Variants in ZNF543 observed in about 807,000 individuals in gnomAD.
ZNF543 encodes the protein zinc finger protein 543.
Under a neutral mutation model 13.4 loss-of-function variants are expected in ZNF543, and 10 were observed. The ratio of observed to expected loss-of-function variants is 0.75; its 90% CI spans 0.46 to 1.26. ZNF543 has a LOEUF of 1.26. Among genes scored for constraint, ZNF543 ranks in the 50% most tolerant of loss-of-function variants. The probability of loss-of-function intolerance (pLI) is 0.00; values close to 1 mark genes in which losing one functional copy is unlikely to be tolerated. For missense variants in ZNF543, 768 were observed against 741.2 expected, an observed-to-expected ratio of 1.04 and a Z score of -0.42; for synonymous variants, 272 against 264.7, an observed-to-expected ratio of 1.03 and a Z score of -0.27.
chr19:57,323,513 A>G (rs1257325126), intron 1 of ZNF543, 169 bp from the exon 2 acceptor site: 33 of 880,486 alleles, frequency 3.7e-5, no homozygotes, highest in Admixed American at 2.4e-4. Context: ...AATTTATCCA[A>G]GGCAATGTCC....
rs954432718 is a variant in ZNF543, at chr19:57,329,428, GA to G, written c.*164del. On this transcript the variant is annotated 3_prime_UTR_variant, in exon 4 of 4. Coordinates refer to ENST00000321545, the MANE Select transcript of ZNF543 (RefSeq NM_213598.4). ...TCTCCACCTGAGAATTCACCCATGA[GA>G]GAGACCCAGTGGTTGCTATGCACTT... 9 of 915,644 alleles carry G rather than the reference GA, an allele frequency of 9.8e-6. No homozygotes were observed. The African/African-American group carries it at 1.3e-4, about 14-fold the overall frequency. 56.7% of individuals were successfully genotyped at this position (915,644 alleles called of 1,614,324 possible).
chr19:57,326,863 G>GCCCTCCCC (rs752772288), intron 3 of ZNF543, 135 bp downstream of exon 3: 1 of 568,890 alleles, frequency 1.8e-6, no homozygotes, highest in African/African-American at 2.5e-5. Flanking sequence ...GCCTCTCCCC[G>GCCCTCCCC]CCCGCCCCCC....
chr19:57,327,736 AC>A lies in ZNF543; in HGVS notation c.276del (p.Ser94LeufsTer15). 6.2e-7 allele frequency: 1 copy of A among 1,612,170 alleles called. No homozygotes were observed. The highest frequency in any genetic ancestry group is 8.5e-7 in the Non-Finnish European group (1 of 1,179,448). ...DNTKPKTTEPTFSHLALPEEV... is the reference protein window; with the variant it reads ...DNTKPKTTEPXFSHLALPEEV... ...CACAAAACCCAAGACCACAGAGCCT[AC>A]CTTTTCTCACCTGGCCTTGCCTGAG... On this transcript the variant is annotated frameshift_variant, in exon 4 of 4. Coordinates refer to ENST00000321545, the MANE Select transcript of ZNF543 (RefSeq NM_213598.4). LOFTEE classifies it low-confidence loss of function (END_TRUNC).
At chr19:57,323,878 A>C in intron 2 of ZNF543, 70 bp downstream of exon 2, 1 of 1,565,780 alleles carries the variant, frequency 6.4e-7, no homozygotes, top group Admixed American at 1.7e-5. Context: ...TCTCTCCTCC[A>C]CAGCCCACTT....
chr19:57,322,420 A>G (rs1436746066), intron 1 of ZNF543, among the ~76,000 whole-genome samples: 1 of 150,598 alleles, frequency 6.6e-6, no homozygotes, highest in Non-Finnish European at 1.5e-5. Context: ...CCAGCTTGGG[A>G]GGCTAAGGCA....
Position 57,329,358 on chromosome 19 carries a change from C to T in ZNF543, c.*93C>T, listed in dbSNP as rs974571902. The T allele has an allele frequency of 1.3e-5, 19 of 1,478,102 alleles. No homozygotes were observed. The highest frequency in any genetic ancestry group is 1.4e-5 in the African/African-American group (1 of 71,264). 91.6% of individuals were successfully genotyped at this position (1,478,102 alleles called of 1,614,324 possible). A position where few individuals can be genotyped will look rare whatever the true frequency, so the allele number is the denominator to read the frequency against. ...AAACGTGTAATAGATGATCATTTGT[C>T]GTCTAAACAATCAAGTTAGAAATTG... On this transcript the variant is annotated 3_prime_UTR_variant, in exon 4 of 4. Coordinates refer to ENST00000321545, the MANE Select transcript of ZNF543 (RefSeq NM_213598.4).
rs1264732156 is a variant in ZNF543, at chr19:57,327,926, A to G, written c.464A>G (p.Asp155Gly). The G allele has an allele frequency of 9.3e-6, 15 of 1,614,156 alleles. No individual in the cohort carries two copies. Among genetic ancestry groups the G allele is most frequent in the Admixed American group, 1.7e-5 (1 of 60,028 alleles). The change falls in exon 4 of 4, where the codon GAT becomes GGT. Residue 155 changes from aspartate to glycine, a missense_variant. Coordinates refer to ENST00000321545, the MANE Select transcript of ZNF543 (RefSeq NM_213598.4). ...KLLEKMSSER[D>G]GLGSDDGVCT... ...CTGGAGAAAATGAGTTCTGAACGTGATGGTTTGGGGTCAGATGATGGTGTA... is the reference window on the plus strand; with the variant it reads ...CTGGAGAAAATGAGTTCTGAACGTGGTGGTTTGGGGTCAGATGATGGTGTA...
Position 57,327,858 on chromosome 19 carries a change from A to G in ZNF543, c.396A>G (p.Glu132=). Residue 132 remains glutamate, a synonymous_variant, in exon 4 of 4, where the codon GAA becomes GAG. Coordinates refer to ENST00000321545, the MANE Select transcript of ZNF543 (RefSeq NM_213598.4). ...AGGATGGGCCATCTGAAATGCAAGA[A>G]GTCCACTTGAAAATAGGGATAGGCC... ...KDQDGPSEMQ[E]VHLKIGIGPQ... The G allele has an allele frequency of 6.2e-7, 1 of 1,614,166 alleles. No homozygotes were observed. The highest frequency in any genetic ancestry group is 8.5e-7 in the Non-Finnish European group (1 of 1,180,038).
In ZNF543 at chr19:57,320,885, G is replaced by A; in HGVS notation, c.18+14G>A. 1.9e-6 allele frequency: 3 copies of A among 1,614,058 alleles called. No individual in the cohort carries two copies. Among genetic ancestry groups the A allele is most frequent in the Non-Finnish European group, 2.5e-6 (3 of 1,179,994 alleles). ...GCCTCGGCGCAGGTGAGTGGACGAG[G>A]TTTTGGCCTTGCTGCTGCTCTGCTA... On this transcript the variant is annotated intron_variant, in intron 1 of 3. Transcript: ENST00000321545.
chr19:57,327,940 G>C lies in ZNF543; in HGVS notation c.478G>C (p.Asp160His). The C allele has an allele frequency of 3.7e-6, 6 of 1,614,180 alleles. No individual in the cohort carries two copies. The highest frequency in any genetic ancestry group is 5.1e-6 in the Non-Finnish European group (6 of 1,180,052). ...TTCTGAACGTGATGGTTTGGGGTCAGATGATGGTGTATGTACAAAGATTAC... is the reference window on the plus strand; with the variant it reads ...TTCTGAACGTGATGGTTTGGGGTCACATGATGGTGTATGTACAAAGATTAC... ...MSSERDGLGS[D>H]DGVCTKITQK... is the part of the protein sequence containing the mutation. Residue 160 changes from aspartate (D) to histidine (H), a missense_variant, in exon 4 of 4, where the codon GAT becomes CAT. By Grantham distance (81) the Asp-to-His change is moderately conservative (BLOSUM62 -1). This residue lies in a region of ZNF543 where 677 missense variants were observed against 631.4 expected (regional missense o/e 1.07). Coordinates refer to ENST00000321545, the MANE Select transcript of ZNF543 (RefSeq NM_213598.4).
In ZNF543 at chr19:57,329,458, A is replaced by C. The variant is rs530296697; in HGVS notation, c.*193A>C. ...ACCCAGTGGTTGCTATGCACTTAGG[A>C]AAACTTTCAGCCACATCTTTCTTCT... On this transcript the variant is annotated 3_prime_UTR_variant, in exon 4 of 4. Coordinates refer to ENST00000321545, the MANE Select transcript of ZNF543 (RefSeq NM_213598.4). The C allele has an allele frequency of 1.9e-3, 1,176 of 615,456 alleles. 13 individuals are homozygous for C. The highest frequency in any genetic ancestry group is 0.019 in the African/African-American group (1,018 of 53,856). 38.1% of individuals were successfully genotyped at this position (615,456 alleles called of 1,614,324 possible).
At position 57,326,626 on chromosome 19, in the gene ZNF543, T is replaced by A; in HGVS notation, c.146-7T>A. ...TCCCTGTGTCCTCTTTTGTTCTCCA[T>A]GCACAGGCTGTCCTTTGTTCAAACC... On this transcript the variant is annotated splice_polypyrimidine_tract_variant and splice_region_variant and intron_variant, in intron 2 of 3. Transcript: ENST00000321545. The A allele has an allele frequency of 6.2e-7, 1 of 1,612,230 alleles. No homozygotes were observed. Among genetic ancestry groups the A allele is most frequent in the Non-Finnish European group, 8.5e-7 (1 of 1,178,266 alleles).
rs760493193 is a variant in ZNF543 at position 57,327,732 on chromosome 19, G to A, written c.270G>A (p.Glu90=). The stretch of plus-strand genomic sequence containing the variant: ...ACAACACAAAACCCAAGACCACAGA[G>A]CCTACCTTTTCTCACCTGGCCTTGC... The part of the protein sequence containing the change: ...PGDNTKPKTT[E]PTFSHLALPE... The change falls in exon 4 of 4, where the codon GAG becomes GAA. Residue 90 remains glutamate (E), a synonymous_variant. Coordinates refer to ENST00000321545, the MANE Select transcript of ZNF543 (RefSeq NM_213598.4). The A allele has an allele frequency of 4.4e-5, 71 of 1,611,872 alleles. No individual in the cohort carries two copies. In the Admixed American group the frequency reaches 1.2e-3, roughly 26 times the overall value.
In ZNF543 at chr19:57,326,539, C is replaced by A. The variant is rs2088121841; in HGVS notation, c.146-94C>A. 9.9e-6 allele frequency: 9 copies of A among 911,450 alleles called. No homozygotes were observed. The South Asian group carries it at 1.1e-4, about 11-fold the overall frequency. 56.5% of individuals were successfully genotyped at this position (911,450 alleles called of 1,614,324 possible). ...TGCTTGGCTGAGAATAGCTTCACTT[C>A]ATGGTCTTCCCCATCCTGCAGTCCC... is the stretch of plus-strand genomic sequence containing the variant. On this transcript the variant is annotated intron_variant, in intron 2 of 3. Transcript: ENST00000321545.
rs761361805 is a variant in ZNF543 at position 57,327,863 on chromosome 19, A to G, written c.401A>G (p.His134Arg). 3.1e-6 allele frequency: 5 copies of G among 1,614,184 alleles called. No individual in the cohort carries two copies. Among genetic ancestry groups the G allele is most frequent in the Non-Finnish European group, 4.2e-6 (5 of 1,180,034 alleles). ...QDGPSEMQEVHLKIGIGPQRG... is the reference protein window; with the variant it reads ...QDGPSEMQEVRLKIGIGPQRG... ...GGGCCATCTGAAATGCAAGAAGTCCACTTGAAAATAGGGATAGGCCCCCAG... is the reference window on the plus strand; with the variant it reads ...GGGCCATCTGAAATGCAAGAAGTCCGCTTGAAAATAGGGATAGGCCCCCAG... The change falls in exon 4 of 4, where the codon CAC becomes CGC. Residue 134 changes from histidine (H) to arginine (R), a missense_variant. Physicochemically the swap from His to Arg is conservative, Grantham distance 29 (BLOSUM62 0). Around this residue, in one of 3 missense-constraint regions of ZNF543, gnomAD observed 677 missense variants for 631.4 expected, o/e 1.07. Coordinates refer to ENST00000321545, the MANE Select transcript of ZNF543 (RefSeq NM_213598.4).
At chr19:57,321,408 A>C (rs76844331) in intron 1 of ZNF543, among the ~76,000 whole-genome samples, 9 of 152,190 alleles carry the variant, frequency 5.9e-5, no homozygotes, top group African/African-American at 1.9e-4. Context: ...GCACTTGCCC[A>C]TTTTTGGCAA....
intron 1 of ZNF543, among the ~76,000 whole-genome samples, chr19:57,321,862 A>G (rs952639610): frequency 2.0e-5 from 3 of 152,156 alleles, no homozygotes; most frequent in Non-Finnish European, 4.4e-5. Flanking sequence ...ATGAGGAGTC[A>G]TGGCATTTCA....
Position 57,328,938 on chromosome 19 carries a change from A to G in ZNF543, c.1476A>G (p.Ser492=), listed in dbSNP as rs1210691355. Reference sequence around the variant, plus strand: ...GTGGAAAGGCCTTCAACCGCAGCTCACACCTCACGAGGCACCAACAGATTC... The same window carrying G: ...GTGGAAAGGCCTTCAACCGCAGCTCGCACCTCACGAGGCACCAACAGATTC... ...VECGKAFNRS[S]HLTRHQQIHT... Residue 492 remains serine, a synonymous_variant, in exon 4 of 4, where the codon TCA becomes TCG. Transcript: ENST00000321545. 2 of 1,614,020 alleles carry G rather than the reference A, an allele frequency of 1.2e-6. No individual in the cohort carries two copies. Among genetic ancestry groups the G allele is most frequent in the African/African-American group, 2.7e-5 (2 of 74,900 alleles).
intron 2 of ZNF543, among the ~76,000 whole-genome samples, chr19:57,324,534 A>G (rs1018617198): frequency 9.9e-5 from 15 of 152,138 alleles, no homozygotes; most frequent in African/African-American, 2.4e-5. Context: ...GCAGTATCAC[A>G]CTTGGACTCC....
Sources: allele counts gnomAD v4.1 joint callset (sites outside exome capture counted in the v4.1 genomes callset), GRCh38; gene constraint gnomAD v4.1.1; regional missense constraint gnomAD v4.1.1; transcripts MANE v1.5; gene names NCBI Gene and HGNC (gene_info 2026-07-23, HGNC 2026-07-21).